Variants in ARAP2 observed in about 807,000 individuals in gnomAD.
ARAP2 encodes the protein ArfGAP with RhoGAP domain, ankyrin repeat and PH domain 2.
In ARAP2, 148 loss-of-function variants were observed where a neutral mutation model predicts 194.5. That is an observed-to-expected ratio of 0.76 (90% confidence interval 0.67 to 0.87). The LOEUF (loss-of-function observed/expected upper bound fraction) is 0.87, where lower values mean the gene tolerates loss of function less well. ARAP2 is among the 40% of genes least tolerant of loss of function. The probability of loss-of-function intolerance (pLI) is 0.00; values close to 1 mark genes in which losing one functional copy is unlikely to be tolerated. For synonymous variants in ARAP2, 695 were observed against 683.5 expected (o/e 1.02, Z -0.26); for missense variants, 2,128 against 1,989.7 (o/e 1.07, Z -1.32).
chr4:36,069,568 A>T (rs778143143), intron 32 of ARAP2, among the ~76,000 whole-genome samples: 1 of 152,160 alleles, frequency 6.6e-6, no homozygotes, highest in African/African-American at 2.4e-5. Flanking sequence ...TTCACTCGGC[A>T]TCTATTACTT....
At position 36,159,449 on chromosome 4, in the gene ARAP2, G is replaced by A; in HGVS notation, c.2499C>T (p.Phe833=). The change falls in exon 14 of 33, where the codon TTC becomes TTT. Residue 833 remains phenylalanine (F), a synonymous_variant. Coordinates refer to ENST00000303965, the MANE Select transcript of ARAP2 (RefSeq NM_015230.4). ...PDVLETMALL[F]SGADVMCATG... ...TGGCACACATGACATCTGCTCCACT[G>A]AACAGCAAAGCCATTGTTTCTAGAA... The A allele has an allele frequency of 1.3e-6, 2 of 1,599,956 alleles. No individual in the cohort carries two copies. The highest frequency in any genetic ancestry group is 1.7e-6 in the Non-Finnish European group (2 of 1,171,112).
At chr4:36,073,051 T>C (rs1276521143) in intron 32 of ARAP2, among the ~76,000 whole-genome samples, 1 of 152,180 alleles carries the variant, frequency 6.6e-6, no homozygotes, top group Non-Finnish European at 1.5e-5. Flanking sequence ...ATTAAGACAC[T>C]GAAATATGTG....
chr4:36,009,108 T>G (rs529210036), intron 9 of ARAP2, among the ~76,000 whole-genome samples: 1 of 152,280 alleles, frequency 6.6e-6, no homozygotes, highest in South Asian at 2.1e-4. Context: ...GAATGTAAAC[T>G]AGTTCAGTCA....
intron 31 of ARAP2, 158 bp from the exon 32 acceptor site, chr4:36,073,981 T>A: frequency 1.0e-6 from 1 of 953,316 alleles, no homozygotes; most frequent in Non-Finnish European, 1.5e-6. Context: ...GGTGGCAGCA[T>A]CGCTCCAGGA....
chr4:36,229,671 T>C (rs550475209), intron 1 of ARAP2, 26 bp from the exon 2 acceptor site: 2 of 437,500 alleles, frequency 4.6e-6, no homozygotes, highest in Non-Finnish European at 8.0e-6. Flanking sequence ...AAATGATTCA[T>C]TAGGCTATTT....
At chr4:36,057,740 A>AT (rs768300400) in intron 2 of ARAP2, among the ~76,000 whole-genome samples, 7 of 151,776 alleles carry the variant, frequency 4.6e-5, no homozygotes, top group Admixed American at 3.3e-4. Flanking sequence ...TATTTTCTGT[A>AT]TTTTTTGTCT....
intron 1 of ARAP2, among the ~76,000 whole-genome samples, chr4:36,059,409 T>C (rs939479359): frequency 2.0e-5 from 3 of 152,152 alleles, no homozygotes; most frequent in Non-Finnish European, 4.4e-5. Context: ...CTAGACCTCC[T>C]GGGTTTGAAT....
At chr4:36,192,247 T>C (rs1186837136) in intron 7 of ARAP2, among the ~76,000 whole-genome samples, 1 of 114,478 alleles carries the variant, frequency 8.7e-6, no homozygotes, top group East Asian at 2.7e-4. Context: ...TCACAGAAAA[T>C]AACAACTTAA....
intron 31 of ARAP2, among the ~76,000 whole-genome samples, chr4:36,079,173 CAAA>C (rs34229260): frequency 1.8e-4 from 14 of 77,604 alleles, no homozygotes; most frequent in African/African-American, 5.9e-4. Context: ...GACTCTGTCT[CAAA>C]AAAAAAAAAA....
At chr4:36,063,954 CATT>C (rs1256527398), downstream of ARAP2, among the ~76,000 whole-genome samples, 4 of 152,112 alleles carry the variant, frequency 2.6e-5, no homozygotes, top group Admixed American at 6.5e-5. Context: ...ATTGCTTTTG[CATT>C]ATATTTTTGA....
intron 2 of ARAP2, among the ~76,000 whole-genome samples, chr4:36,219,675 A>G (rs536426371): frequency 1.6e-3 from 241 of 152,320 alleles, no homozygotes; most frequent in Middle Eastern, 6.8e-3. Context: ...ATACACATTT[A>G]CATTATATGC....
At chr4:36,168,720 C>T (rs1420300556) in intron 9 of ARAP2, among the ~76,000 whole-genome samples, 1 of 152,044 alleles carries the variant, frequency 6.6e-6, no homozygotes, top group East Asian at 1.9e-4. Flanking sequence ...TAATGGTTCA[C>T]TGTACTAGGA....
intron 9 of ARAP2, among the ~76,000 whole-genome samples, chr4:36,171,555 G>A (rs1477981670): frequency 6.6e-6 from 1 of 151,988 alleles, no homozygotes; most frequent in Non-Finnish European, 1.5e-5. Context: ...AGCATTAGGA[G>A]ATATACCTGA....
At chr4:36,194,107 T>C (rs76709138) in intron 6 of ARAP2, among the ~76,000 whole-genome samples, 4,095 of 152,334 alleles carry the variant, frequency 0.027, 105 homozygotes, top group Admixed American at 0.074. Flanking sequence ...GGAAAACATA[T>C]TGAATTTTGA....
At chr4:36,243,933 C>T (rs998524263) in intron 1 of ARAP2, 7 of 152,346 alleles carry the variant, frequency 4.6e-5, no homozygotes, top group Admixed American at 4.6e-4. Context: ...GCTGTCTATC[C>T]GGATCCTCAC....
chr4:36,021,401 G>A (rs1488929150), intron 5 of ARAP2, among the ~76,000 whole-genome samples: 2 of 152,216 alleles, frequency 1.3e-5, no homozygotes, highest in African/African-American at 4.8e-5. Context: ...GGAGGTGATT[G>A]AATCACGGGA....
intron 6 of ARAP2, chr4:36,016,086 C>T (rs1715745864): frequency 6.6e-6 from 1 of 152,088 alleles, no homozygotes; most frequent in African/African-American, 2.4e-5. Flanking sequence ...AGAGTACATG[C>T]ATAAGCCAAA....
At chr4:36,103,829 C>T (rs1717662268) in intron 27 of ARAP2, among the ~76,000 whole-genome samples, 2 of 151,736 alleles carry the variant, frequency 1.3e-5, no homozygotes, top group South Asian at 4.1e-4. Flanking sequence ...TGTGTGAAGT[C>T]CACATTTTAA....
chr4:36,025,472 C>T (rs1175644405), intron 5 of ARAP2, among the ~76,000 whole-genome samples: 1 of 152,024 alleles, frequency 6.6e-6, no homozygotes, highest in South Asian at 2.1e-4. Context: ...TCGTCACTGG[C>T]GTGGAATTGA....
Sources: gnomAD v4.1 joint callset for allele counts (sites outside exome capture counted in the v4.1 genomes callset) on GRCh38, gnomAD v4.1.1 for gene constraint, MANE v1.5 for transcripts, NCBI Gene and HGNC (gene_info 2026-07-23, HGNC 2026-07-21) for gene names.